Variants in KIAA1549L observed in about 807,000 individuals in gnomAD.
KIAA1549L encodes UPF0606 protein KIAA1549L.
A neutral mutation model predicts 160.7 loss-of-function variants in KIAA1549L; 88 were observed. That is an observed-to-expected ratio of 0.55 (90% CI 0.46 to 0.65). KIAA1549L has a LOEUF of 0.65. KIAA1549L is among the 30% of genes least tolerant of loss of function. The probability of loss-of-function intolerance (pLI) is 0.00; values close to 1 mark genes in which losing one functional copy is unlikely to be tolerated. For missense variants in KIAA1549L, 2,258 were observed against 2,437.5 expected (o/e 0.93, Z 1.55); for synonymous variants, 950 against 976.7 (o/e 0.97, Z 0.51).
At chr11:33,599,042 C>T in intron 13 of KIAA1549L, 95 bp downstream of exon 13, 5 of 1,420,392 alleles carry the variant, frequency 3.5e-6, no homozygotes, top group Middle Eastern at 2.5e-4. Flanking sequence ...CACACACAGC[C>T]ACTGGGCTCT....
At chr11:33,583,802 G>A (rs1363921150) in intron 11 of KIAA1549L, among the ~76,000 whole-genome samples, 1 of 152,186 alleles carries the variant, frequency 6.6e-6, no homozygotes, top group Non-Finnish European at 1.5e-5. Flanking sequence ...AAAACTACAA[G>A]CTAAAGAGAC....
intron 1 of KIAA1549L, among the ~76,000 whole-genome samples, chr11:33,436,062 G>A (rs903709015): frequency 4.6e-5 from 7 of 150,624 alleles, no homozygotes; most frequent in Non-Finnish European, 7.4e-5. Context: ...TACTATAAGC[G>A]ATCTGGAGAT....
intron 1 of KIAA1549L, among the ~76,000 whole-genome samples, chr11:33,399,310 C>T (rs536457952): frequency 7.9e-5 from 12 of 152,202 alleles, no homozygotes; most frequent in African/African-American, 2.6e-4. Context: ...AGAAGGGGAA[C>T]GCTTTTCTCC....
intron 10 of KIAA1549L, among the ~76,000 whole-genome samples, chr11:33,575,730 G>T (rs577738541): frequency 6.6e-6 from 1 of 152,154 alleles, no homozygotes; most frequent in Non-Finnish European, 1.5e-5. Flanking sequence ...CAGCATGAGC[G>T]AAAGAATGGA....
At chr11:33,535,554 C>T (rs1354854852) in intron 1 of KIAA1549L, among the ~76,000 whole-genome samples, 1 of 152,054 alleles carries the variant, frequency 6.6e-6, no homozygotes, top group Non-Finnish European at 1.5e-5. Context: ...TGCCTGTCGT[C>T]CCAGCTATTA....
At chr11:33,518,673 A>G (rs1204914225) in intron 1 of KIAA1549L, among the ~76,000 whole-genome samples, 1 of 152,222 alleles carries the variant, frequency 6.6e-6, no homozygotes. Flanking sequence ...ATGATATTAT[A>G]AAGTCTGTTT....
chr11:33,651,360 C>T (rs920367612), intron 17 of KIAA1549L, among the ~76,000 whole-genome samples: 14 of 151,870 alleles, frequency 9.2e-5, no homozygotes, highest in African/African-American at 3.4e-4. Context: ...TTGCTTGAAC[C>T]TGGGAGGCAG....
At chr11:33,651,925 C>T (rs1318536763) in intron 17 of KIAA1549L, among the ~76,000 whole-genome samples, 2 of 106,912 alleles carry the variant, frequency 1.9e-5, no homozygotes, top group Non-Finnish European at 3.9e-5. Flanking sequence ...CCCCCTCCCT[C>T]CCTCCCTTCC....
intron 16 of KIAA1549L, among the ~76,000 whole-genome samples, chr11:33,639,207 A>G (rs1032876499): frequency 6.6e-6 from 1 of 152,220 alleles, no homozygotes; most frequent in South Asian, 2.1e-4. Context: ...GTTTGTTCTC[A>G]TGGTGTTTCA....
Position 33,544,067 on chromosome 11 carries a change from A to G in KIAA1549L, c.2504A>G (p.Gln835Arg), listed in dbSNP as rs1333509869. The part of the protein sequence containing the change: ...TRHSVSHPQL[Q>R]LPNQPAHPLL... ...CATTCCGTGTCTCATCCTCAGCTACAGTTGCCCAACCAGCCAGCACATCCT... is the reference window on the plus strand; with the variant it reads ...CATTCCGTGTCTCATCCTCAGCTACGGTTGCCCAACCAGCCAGCACATCCT... The change falls in exon 2 of 21, where the codon CAG (glutamine) becomes CGG (arginine). Residue 835 changes from glutamine to arginine, a missense_variant. Coordinates refer to ENST00000658780, the MANE Select transcript of KIAA1549L (RefSeq NM_012194.3). The G allele has an allele frequency of 5.6e-6, 9 of 1,614,034 alleles. No homozygotes were observed. Among genetic ancestry groups the G allele is most frequent in the Non-Finnish European group, 7.6e-6 (9 of 1,179,892 alleles).
In KIAA1549L at chr11:33,604,662, G is replaced by A. The variant is rs955094908; in HGVS notation, c.4880-1979G>A. The stretch of plus-strand genomic sequence containing the variant: ...TAATGTCTTTTGCAGCAACTTGGAT[G>A]GAGCTAGAGGCCATTATTCTAAGTG... On this transcript the variant is annotated intron_variant, in intron 13 of 20. Transcript: ENST00000658780. Among the ~76,000 whole-genome samples the A allele has an allele frequency of 8.5e-5, 13 of 152,220 alleles. No homozygotes were observed. In the East Asian group the frequency reaches 2.1e-3, roughly 25 times the overall value.
intron 1 of KIAA1549L, among the ~76,000 whole-genome samples, chr11:33,523,438 T>C (rs1485390299): frequency 6.6e-6 from 1 of 152,250 alleles, no homozygotes; most frequent in Admixed American, 6.5e-5. Context: ...GGAACATATG[T>C]CTTGACATGA....
rs1381787765 is a variant in KIAA1549L at position 33,543,948 on chromosome 11, T to G, written c.2385T>G (p.Val795=). Residue 795 remains valine (V), a synonymous_variant, in exon 2 of 21, where the codon GTT becomes GTG. Transcript: ENST00000658780. The part of the protein sequence containing the change: ...QPVQQSDMTM[V]GSHIDLWPTS... ...TGCAACAGTCAGACATGACCATGGT[T>G]GGAAGCCATATAGACCTCTGGCCCA... 6.2e-7 allele frequency: 1 copy of G among 1,614,014 alleles called. No individual in the cohort carries two copies. The highest frequency in any genetic ancestry group is 8.5e-7 in the Non-Finnish European group (1 of 1,179,898).
intron 1 of KIAA1549L, among the ~76,000 whole-genome samples, chr11:33,409,515 T>A (rs1254651600): frequency 6.6e-6 from 1 of 152,208 alleles, no homozygotes; most frequent in Non-Finnish European, 1.5e-5. Context: ...TCATTAAGGG[T>A]AGGCTTTAAT....
Position 33,396,410 on chromosome 11 carries a change from C to T in KIAA1549L, c.238+19521C>T, listed in dbSNP as rs564233943. On this transcript the variant is annotated intron_variant, in intron 1 of 20. Coordinates refer to ENST00000658780, the MANE Select transcript of KIAA1549L (RefSeq NM_012194.3). ...AATAAATAGATTACTACAATATTTA[C>T]AGAAGTATTGTGAGAGGAAGAGATT... Among the ~76,000 whole-genome samples, 313 of 152,240 alleles carry T rather than the reference C, an allele frequency of 2.1e-3. 1 individual carries two copies. Among genetic ancestry groups the T allele is most frequent in the African/African-American group, 7.2e-3 (300 of 41,536 alleles).
chr11:33,409,027 A>C (rs898545816), intron 1 of KIAA1549L, among the ~76,000 whole-genome samples: 2 of 151,812 alleles, frequency 1.3e-5, no homozygotes, highest in African/African-American at 4.8e-5. Context: ...GTGTGGGGAA[A>C]TATTCCTCCT....
chr11:33,376,680 G>A lies in KIAA1549L; in HGVS notation c.29G>A (p.Gly10Asp), dbSNP rs1849958610. The change falls in exon 1 of 21, where the codon GGC becomes GAC. Residue 10 changes from glycine to aspartate, a missense_variant. This residue lies in a region of KIAA1549L where 540 missense variants were observed against 465.7 expected (regional missense o/e 1.16). Transcript: ENST00000658780. The surrounding 1 kb of genome is among the most constrained non-coding windows in gnomAD (Gnocchi z 5.8). Reference protein sequence around the residue: MAPQEAKPQGSREAGPATRG... With the variant: MAPQEAKPQDSREAGPATRG... ...GCTCCGCAGGAGGCCAAGCCTCAGG[G>A]CTCAAGGGAAGCTGGGCCCGCGACG... The A allele has an allele frequency of 6.6e-6, 1 of 150,610 alleles. No homozygotes were observed. Among genetic ancestry groups the A allele is most frequent in the Admixed American group, 6.6e-5 (1 of 15,118 alleles). The allele number at this position is 150,610 out of a possible 1,614,324, so 9.3% of individuals were successfully genotyped here.
At chr11:33,484,481 C>T (rs978306106) in intron 1 of KIAA1549L, among the ~76,000 whole-genome samples, 11 of 152,214 alleles carry the variant, frequency 7.2e-5, no homozygotes, top group African/African-American at 1.9e-4. Context: ...AGACCAGCTC[C>T]GCCATTTATA....
chr11:33,409,168 A>G (rs1446587662), intron 1 of KIAA1549L, among the ~76,000 whole-genome samples: 1 of 152,082 alleles, frequency 6.6e-6, no homozygotes, highest in Non-Finnish European at 1.5e-5. Context: ...GTCTTTGGAA[A>G]AAGTCTCAAA....
Sources: allele counts gnomAD v4.1 joint callset (sites outside exome capture counted in the v4.1 genomes callset), GRCh38; gene constraint gnomAD v4.1.1; regional missense constraint gnomAD v4.1.1; non-coding constraint Gnocchi (gnomAD v3.1); transcripts MANE v1.5; gene names NCBI Gene and HGNC (gene_info 2026-07-23, HGNC 2026-07-21).